Variants in GALNT17 observed in about 807,000 individuals in gnomAD.
The protein encoded by GALNT17 is polypeptide N-acetylgalactosaminyltransferase 17.
GALNT17 carries 29 observed loss-of-function variants against 63.7 expected under a neutral mutation model. That is an observed-to-expected ratio of 0.46 (90% CI 0.34 to 0.62). The LOEUF (loss-of-function observed/expected upper bound fraction) is 0.62, where lower values mean the gene tolerates loss of function less well. GALNT17 is among the 20% of genes least tolerant of loss of function. The probability of loss-of-function intolerance (pLI) is 0.01; values close to 1 mark genes in which losing one functional copy is unlikely to be tolerated. For synonymous variants in GALNT17, 305 were observed against 318.3 expected, an observed-to-expected ratio of 0.96 and a Z score of 0.45; for missense variants, 603 against 799.6, an observed-to-expected ratio of 0.75 and a Z score of 2.97.
At chr7:71,222,813 G>A (rs1020396369) in intron 1 of GALNT17, among the ~76,000 whole-genome samples, 1 of 152,026 alleles carries the variant, frequency 6.6e-6, no homozygotes, top group Non-Finnish European at 1.5e-5. Flanking sequence ...GCTCGCACCT[G>A]TAATCCCAAC....
intron 1 of GALNT17, among the ~76,000 whole-genome samples, chr7:71,152,437 A>G (rs1000397934): frequency 1.3e-5 from 2 of 152,132 alleles, no homozygotes; most frequent in East Asian, 1.9e-4. Flanking sequence ...CTTCATCCTC[A>G]TCCTCTTTAC....
At chr7:71,562,800 C>A (rs1002795995) in intron 5 of GALNT17, among the ~76,000 whole-genome samples, 1 of 151,870 alleles carries the variant, frequency 6.6e-6, no homozygotes, top group East Asian at 1.9e-4. Flanking sequence ...AGTAGCCAGG[C>A]GAAAGGATCT....
chr7:71,464,048 A>G (rs1787496117), intron 5 of GALNT17, among the ~76,000 whole-genome samples: 1 of 152,164 alleles, frequency 6.6e-6, no homozygotes, highest in Non-Finnish European at 1.5e-5. Context: ...TCTGATTCGA[A>G]TGCCTCTGAC....
At chr7:71,621,368 A>T (rs963018380) in intron 6 of GALNT17, among the ~76,000 whole-genome samples, 1 of 152,196 alleles carries the variant, frequency 6.6e-6, no homozygotes, top group Admixed American at 6.5e-5. Flanking sequence ...GATTTTATTC[A>T]TCAGTGTATC....
At chr7:71,171,884 G>A (rs1258836358) in intron 1 of GALNT17, among the ~76,000 whole-genome samples, 1 of 152,194 alleles carries the variant, frequency 6.6e-6, no homozygotes, top group Non-Finnish European at 1.5e-5. Context: ...TTGAGTGAAA[G>A]TTTCTAGAGT....
chr7:71,627,487 C>G (rs1385373612), intron 6 of GALNT17, among the ~76,000 whole-genome samples: 1 of 152,162 alleles, frequency 6.6e-6, no homozygotes, highest in Non-Finnish European at 1.5e-5. Flanking sequence ...CCATGGCTGC[C>G]TTGAGATACC....
chr7:71,406,154 C>T (rs796413624), intron 3 of GALNT17, among the ~76,000 whole-genome samples: 15 of 152,272 alleles, frequency 9.9e-5, no homozygotes, highest in African/African-American at 3.4e-4. Context: ...TTTTAGTGAG[C>T]TTGGTTAGCA....
chr7:71,521,275 T>C (rs1584022368), intron 5 of GALNT17, among the ~76,000 whole-genome samples: 1 of 151,902 alleles, frequency 6.6e-6, no homozygotes, highest in Non-Finnish European at 1.5e-5. Context: ...TGTGTGCTGG[T>C]GAGTTAGGCC....
chr7:71,694,676 G>T (rs953743885), intron 9 of GALNT17, among the ~76,000 whole-genome samples: 1 of 152,194 alleles, frequency 6.6e-6, no homozygotes, highest in Admixed American at 6.5e-5. Flanking sequence ...GATTACAGGC[G>T]TGAGCCACGG....
chr7:71,300,600 G>A, intron 1 of GALNT17: 1 of 301,550 alleles, frequency 3.3e-6, no homozygotes, highest in South Asian at 2.6e-5. Flanking sequence ...GCATGCGCGT[G>A]CACATACACA....
intron 1 of GALNT17, among the ~76,000 whole-genome samples, chr7:71,227,200 A>T (rs1315965284): frequency 7.2e-6 from 1 of 139,044 alleles, no homozygotes; most frequent in Non-Finnish European, 1.6e-5. Flanking sequence ...AAAAAAAAAA[A>T]GCAAAATGCA....
At chr7:71,551,790 G>A (rs888533150) in intron 5 of GALNT17, among the ~76,000 whole-genome samples, 6 of 150,458 alleles carry the variant, frequency 4.0e-5, no homozygotes, top group South Asian at 2.1e-4. Context: ...GAGAGAGAGC[G>A]GGAAAGCAAG....
At chr7:71,560,121 G>C (rs1177121266) in intron 5 of GALNT17, among the ~76,000 whole-genome samples, 3 of 149,014 alleles carry the variant, frequency 2.0e-5, no homozygotes, top group Non-Finnish European at 3.0e-5. Flanking sequence ...TTGAATCCGG[G>C]AGGCGGAGGT....
intron 5 of GALNT17, among the ~76,000 whole-genome samples, chr7:71,529,136 A>G (rs1238991998): frequency 6.6e-6 from 1 of 152,108 alleles, no homozygotes; most frequent in East Asian, 1.9e-4. Context: ...CTCTGTCTCA[A>G]TTAAAAATAA....
At chr7:71,351,165 G>C (rs1473601972) in intron 2 of GALNT17, among the ~76,000 whole-genome samples, 1 of 150,530 alleles carries the variant, frequency 6.6e-6, no homozygotes, top group Admixed American at 6.6e-5. Flanking sequence ...AACAAACAAA[G>C]AACATAAGTA....
At chr7:71,616,477 C>G (rs892641149) in intron 6 of GALNT17, among the ~76,000 whole-genome samples, 1 of 146,532 alleles carries the variant, frequency 6.8e-6, no homozygotes, top group Non-Finnish European at 1.5e-5. Context: ...TAATTATATA[C>G]TAATATATAA....
At chr7:71,142,936 T>C (rs1787943200) in intron 1 of GALNT17, among the ~76,000 whole-genome samples, 2 of 103,744 alleles carry the variant, frequency 1.9e-5, no homozygotes, top group African/African-American at 4.0e-5. Flanking sequence ...GCGAGACTCT[T>C]GTCTCAAAAA....
intron 5 of GALNT17, among the ~76,000 whole-genome samples, chr7:71,449,103 A>ATTTTTTT (rs1583963031): frequency 5.3e-4 from 24 of 45,566 alleles, no homozygotes; most frequent in East Asian, 2.1e-3. Context: ...ACAGCTGCCT[A>ATTTTTTT]TTTTCTTTTT....
chr7:71,160,771 A>C (rs1217335940), intron 1 of GALNT17, among the ~76,000 whole-genome samples: 3 of 152,088 alleles, frequency 2.0e-5, no homozygotes, highest in Non-Finnish European at 4.4e-5. Flanking sequence ...GAACATCTTT[A>C]TATATCAGAC....
Sources: gnomAD v4.1 joint callset for allele counts (sites outside exome capture counted in the v4.1 genomes callset) on GRCh38, gnomAD v4.1.1 for gene constraint, MANE v1.5 for transcripts, NCBI Gene and HGNC (gene_info 2026-07-23, HGNC 2026-07-21) for gene names.